KCNAB1: variants seen among roughly 807,000 people sequenced by gnomAD.
KCNAB1 encodes potassium voltage-gated channel subfamily A regulatory beta subunit 1.
KCNAB1 carries 35 observed loss-of-function variants against 64.6 expected under a neutral mutation model. The ratio of observed to expected loss-of-function variants is 0.54; its 90% CI spans 0.41 to 0.72. The LOEUF is 0.72. KCNAB1 is among the 30% of genes least tolerant of loss of function. KCNAB1 has a pLI of 0.00. For synonymous variants in KCNAB1, 177 were observed against 183.8 expected (o/e 0.96, Z 0.30); for missense variants, 401 against 512.9 (o/e 0.78, Z 2.11).
chr3:156,278,309 C>T lies in KCNAB1; in HGVS notation c.276-143307C>T, dbSNP rs544340758. Among the ~76,000 whole-genome samples the T allele has an allele frequency of 3.9e-5, 6 of 152,234 alleles. No individual in the cohort carries two copies. The South Asian group carries it at 6.2e-4, about 16-fold the overall frequency. On this transcript the variant is annotated intron_variant, in intron 1 of 13. Transcript: ENST00000490337. ...AGATATTTTTCTCCATCCCATCATG[C>T]GAGGTTAGCTTTATGTGGGAAGCTC...
intron 8 of KCNAB1, among the ~76,000 whole-genome samples, chr3:156,488,132 T>G (rs1715347036): frequency 6.6e-6 from 1 of 152,094 alleles, no homozygotes; most frequent in Non-Finnish European, 1.5e-5. Context: ...TAATATTTAT[T>G]GAGTGTCTAC....
At chr3:156,536,467 T>A (rs1719062904) in intron 13 of KCNAB1, 191 bp from the exon 14 acceptor site, 1 of 566,258 alleles carries the variant, frequency 1.8e-6, no homozygotes, top group African/African-American at 1.9e-5. Flanking sequence ...CCTTCATTTA[T>A]GCAGTCAATC....
intron 1 of KCNAB1, among the ~76,000 whole-genome samples, chr3:156,261,598 C>G (rs555553951): frequency 6.6e-6 from 1 of 152,136 alleles, no homozygotes; most frequent in East Asian, 1.9e-4. Flanking sequence ...TCCTATTAAT[C>G]TATATACTTA....
At chr3:156,226,502 C>G (rs984944577) in intron 1 of KCNAB1, among the ~76,000 whole-genome samples, 4 of 152,090 alleles carry the variant, frequency 2.6e-5, no homozygotes, top group Non-Finnish European at 4.4e-5. Flanking sequence ...TTGGCTTAGA[C>G]AAGACGTCAT....
At chr3:156,495,880 C>T (rs1715977325) in intron 8 of KCNAB1, among the ~76,000 whole-genome samples, 1 of 152,114 alleles carries the variant, frequency 6.6e-6, no homozygotes, top group South Asian at 2.1e-4. Context: ...CTCAAAATGT[C>T]TCATGAAGAT....
chr3:156,367,285 C>T (rs1421891206), intron 1 of KCNAB1, among the ~76,000 whole-genome samples: 1 of 151,358 alleles, frequency 6.6e-6, no homozygotes, highest in African/African-American at 2.4e-5. Context: ...ACGCCATTCT[C>T]CTGCCTCAGC....
At chr3:156,200,317 G>A (rs1714243751) in intron 1 of KCNAB1, among the ~76,000 whole-genome samples, 1 of 152,228 alleles carries the variant, frequency 6.6e-6, no homozygotes, top group South Asian at 2.1e-4. Context: ...CCCATTTGAT[G>A]AGGCAGTCTG....
intron 1 of KCNAB1, among the ~76,000 whole-genome samples, chr3:156,298,302 G>A (rs543798306): frequency 6.6e-6 from 1 of 152,214 alleles, no homozygotes; most frequent in Non-Finnish European, 1.5e-5. Context: ...ATGCATGCAT[G>A]TGCGCACGTG....
At chr3:156,388,329 TTGA>T (rs1205972482) in intron 1 of KCNAB1, among the ~76,000 whole-genome samples, 1 of 152,202 alleles carries the variant, frequency 6.6e-6, no homozygotes, top group Non-Finnish European at 1.5e-5. Context: ...TCCTGGAAGG[TTGA>T]TGAAGGCTCT....
intron 1 of KCNAB1, among the ~76,000 whole-genome samples, chr3:156,122,370 C>T (rs916930705): frequency 1.3e-5 from 2 of 152,110 alleles, no homozygotes; most frequent in East Asian, 3.8e-4. Context: ...CCTTGACTTG[C>T]GATATACCAG....
chr3:156,465,551 CAG>C, intron 6 of KCNAB1, 90 bp from the exon 7 acceptor site: 1 of 1,128,332 alleles, frequency 8.9e-7, no homozygotes, highest in Non-Finnish European at 1.3e-6. Context: ...TTGATAAGAA[CAG>C]GGTGCAAAAT....
intron 8 of KCNAB1, among the ~76,000 whole-genome samples, chr3:156,497,823 T>C (rs1488815863): frequency 6.6e-6 from 1 of 152,230 alleles, no homozygotes; most frequent in Non-Finnish European, 1.5e-5. Flanking sequence ...ATACATCACA[T>C]TCTGATAGGC....
intron 1 of KCNAB1, among the ~76,000 whole-genome samples, chr3:156,254,457 A>G (rs1717989234): frequency 6.6e-6 from 1 of 152,232 alleles, no homozygotes; most frequent in South Asian, 2.1e-4. Flanking sequence ...ACCCATGCTA[A>G]GACAAAGAGG....
At position 156,301,206 on chromosome 3, in the gene KCNAB1, G is replaced by GT. The variant is rs201228996; in HGVS notation, c.276-120406dup. ...CTTCCTCTTTAAACTAGGTTTTTAT[G>GT]TTTTGTTTTTTTTTTAAAATGTCTT... On this transcript the variant is annotated intron_variant, in intron 1 of 13. Transcript: ENST00000490337. Among the ~76,000 whole-genome samples the GT allele has an allele frequency of 6.8e-4, 101 of 148,660 alleles. No individual in the cohort carries two copies. In the East Asian group the frequency reaches 0.013, roughly 19 times the overall value.
In KCNAB1 at chr3:156,520,402, G is replaced by A. The variant is rs144197859; in HGVS notation, c.961-3425G>A. Among the ~76,000 whole-genome samples the A allele has an allele frequency of 3.0e-3, 464 of 152,132 alleles. 1 individual carries two copies. Among genetic ancestry groups the A allele is most frequent in the African/African-American group, 0.01 (429 of 41,510 alleles). On this transcript the variant is annotated intron_variant, in intron 11 of 13. Transcript: ENST00000490337. ...TTGAGACCAGCCTGGGCAAAATGAC[G>A]AAACCCCATCTCTACAAAAATACAA...
intron 8 of KCNAB1, among the ~76,000 whole-genome samples, chr3:156,504,487 A>T (rs1418968414): frequency 6.6e-6 from 1 of 152,164 alleles, no homozygotes; most frequent in Admixed American, 6.5e-5. Context: ...AAACTTCCAT[A>T]CTATTCTGCA....
intron 1 of KCNAB1, among the ~76,000 whole-genome samples, chr3:156,142,248 T>A (rs958303718): frequency 6.6e-6 from 1 of 152,246 alleles, no homozygotes; most frequent in East Asian, 1.9e-4. Context: ...GCAGAAGTTG[T>A]TAATGTTGAT....
chr3:156,288,732 T>C (rs1404151680), intron 1 of KCNAB1, among the ~76,000 whole-genome samples: 1 of 152,292 alleles, frequency 6.6e-6, no homozygotes, highest in East Asian at 1.9e-4. Flanking sequence ...AGGTCTTTGA[T>C]TTTCTTTGAG....
chr3:156,175,885 G>A (rs956407116), intron 1 of KCNAB1: 24 of 755,300 alleles, frequency 3.2e-5, no homozygotes, highest in South Asian at 2.3e-4. Context: ...CTTGTCACTC[G>A]ATGCTGAGAT....
Sources: gnomAD v4.1 joint callset for allele counts (sites outside exome capture counted in the v4.1 genomes callset) on GRCh38, gnomAD v4.1.1 for gene constraint, MANE v1.5 for transcripts, NCBI Gene and HGNC (gene_info 2026-07-23, HGNC 2026-07-21) for gene names.